The following CHURC1 variants were observed in gnomAD, a reference collection of about 807,000 sequenced individuals.
CHURC1 encodes churchill domain containing 1, also known as protein Churchill.
In CHURC1, 12 loss-of-function variants were observed where a neutral mutation model predicts 15.4. That is an observed-to-expected ratio of 0.78 (90% CI 0.50 to 1.27). CHURC1 has a LOEUF of 1.27. CHURC1 is among the 50% of genes most tolerant of loss of function. The pLI, the probability that CHURC1 is intolerant of heterozygous loss-of-function variation, is 0.00. For synonymous variants in CHURC1, 42 were observed against 47.5 expected, an observed-to-expected ratio of 0.88 and a Z score of 0.48; for missense variants, 132 against 137.8, an observed-to-expected ratio of 0.96 and a Z score of 0.21.
At chr14:64,921,582 A>G (rs1208642537) in intron 1 of CHURC1, among the ~76,000 whole-genome samples, 1 of 152,232 alleles carries the variant, frequency 6.6e-6, no homozygotes, top group East Asian at 1.9e-4. Flanking sequence ...ATTAGTCATC[A>G]AGGAAACAAA....
At chr14:64,923,711 A>AT (rs2139895578) in intron 1 of CHURC1, among the ~76,000 whole-genome samples, 1 of 146,202 alleles carries the variant, frequency 6.8e-6, no homozygotes, top group African/African-American at 2.5e-5. Context: ...CTAAATATCT[A>AT]TTTTCAGTTT....
At chr14:64,930,118 A>G (rs1884997313) in intron 3 of CHURC1, among the ~76,000 whole-genome samples, 1 of 140,566 alleles carries the variant, frequency 7.1e-6, no homozygotes, top group African/African-American at 2.6e-5. Flanking sequence ...CCCTCAGAAT[A>G]AAAAAAAAAA....
chr14:64,920,465 A>G (rs1365037856), intron 1 of CHURC1, among the ~76,000 whole-genome samples: 4 of 152,348 alleles, frequency 2.6e-5, no homozygotes, highest in Non-Finnish European at 5.9e-5. Context: ...TGCCTCATCT[A>G]ATAAAAGAAC....
chr14:64,914,456 C>T lies in CHURC1; in HGVS notation c.-40C>T, dbSNP rs376938628. On this transcript the variant is annotated 5_prime_UTR_variant, in exon 1 of 4. Coordinates refer to ENST00000549115, the MANE Select transcript of CHURC1 (RefSeq NM_001386928.1). Reference sequence around the variant, plus strand: ...TCAGTTCTCGCGAGGTTTCGTCTTCCCGGAAGCGTTGGAGGACATTCCCTG... The same window carrying T: ...TCAGTTCTCGCGAGGTTTCGTCTTCTCGGAAGCGTTGGAGGACATTCCCTG... 1.9e-6 allele frequency: 3 copies of T among 1,614,278 alleles called. No individual in the cohort carries two copies. The highest frequency in any genetic ancestry group is 1.3e-5 in the African/African-American group (1 of 75,082).
rs1885254945 is a variant in CHURC1, at chr14:64,934,888, T to C, written c.*2658T>C. ...TACAAAAATTTAAAACATAAGATCC[T>C]CTCTCTATATTTCATTATTGGTGAA... On this transcript the variant is annotated 3_prime_UTR_variant, in exon 4 of 4. Transcript: ENST00000549115. The C allele has an allele frequency of 1.0e-6, 1 of 984,092 alleles. No homozygotes were observed. Among genetic ancestry groups the C allele is most frequent in the Non-Finnish European group, 1.2e-6 (1 of 828,824 alleles). The allele number at this position is 984,092 out of a possible 1,614,324, so 61.0% of individuals were successfully genotyped here.
chr14:64,919,507 T>C (rs1884121667), intron 1 of CHURC1, among the ~76,000 whole-genome samples: 1 of 152,236 alleles, frequency 6.6e-6, no homozygotes, highest in South Asian at 2.1e-4. Flanking sequence ...AATGATACTC[T>C]GCATCTTAAA....
In CHURC1 at chr14:64,933,906, A is replaced by G; in HGVS notation, c.*1676A>G. On this transcript the variant is annotated 3_prime_UTR_variant, in exon 4 of 4. Coordinates refer to ENST00000549115, the MANE Select transcript of CHURC1 (RefSeq NM_001386928.1). ...AAGCACTTATTTAATCCTCATTAAC[A>G]AATTCATAAGGTAGGTGCTATTGAT... 5.1e-6 allele frequency: 5 copies of G among 984,892 alleles called. No homozygotes were observed. Among genetic ancestry groups the G allele is most frequent in the Non-Finnish European group, 6.0e-6 (5 of 829,414 alleles). The allele number at this position is 984,892 out of a possible 1,614,324, so 61.0% of individuals were successfully genotyped here. A position where few individuals can be genotyped will look rare whatever the true frequency, so the allele number is the denominator to read the frequency against.
chr14:64,929,769 A>T (rs2139914861), intron 3 of CHURC1, among the ~76,000 whole-genome samples: 1 of 152,346 alleles, frequency 6.6e-6, no homozygotes, highest in Admixed American at 6.5e-5. Flanking sequence ...TCTCTGAAAG[A>T]TAAGTATTCT....
At chr14:64,922,845 A>G (rs1259859430) in intron 1 of CHURC1, among the ~76,000 whole-genome samples, 1 of 152,076 alleles carries the variant, frequency 6.6e-6, no homozygotes. Flanking sequence ...GAAGGGAGAG[A>G]TTAATTCTGG....
In CHURC1 at chr14:64,933,821, A is replaced by T; in HGVS notation, c.*1591A>T. ...TACTAGGGAAAAGCTTTGTTGAATAACAGTAATGATGATAATATCTGAGCT... is the reference window on the plus strand; with the variant it reads ...TACTAGGGAAAAGCTTTGTTGAATATCAGTAATGATGATAATATCTGAGCT... On this transcript the variant is annotated 3_prime_UTR_variant, in exon 4 of 4. Coordinates refer to ENST00000549115, the MANE Select transcript of CHURC1 (RefSeq NM_001386928.1). The T allele has an allele frequency of 1.0e-6, 1 of 985,398 alleles. No homozygotes were observed. Among genetic ancestry groups the T allele is most frequent in the Non-Finnish European group, 1.2e-6 (1 of 829,894 alleles). 61.0% of individuals were successfully genotyped at this position (985,398 alleles called of 1,614,324 possible). A position where few individuals can be genotyped will look rare whatever the true frequency, so the allele number is the denominator to read the frequency against.
intron 2 of CHURC1, among the ~76,000 whole-genome samples, 177 bp from the exon 3 acceptor site, chr14:64,925,833 G>A (rs1000488309): frequency 1.3e-5 from 2 of 151,830 alleles, no homozygotes; most frequent in African/African-American, 4.8e-5. Context: ...ACGTTGTTAT[G>A]TGGCAGATTC....
intron 3 of CHURC1, among the ~76,000 whole-genome samples, chr14:64,929,956 C>T (rs1002312468): frequency 2.6e-5 from 4 of 151,056 alleles, no homozygotes; most frequent in Non-Finnish European, 5.9e-5. Flanking sequence ...CCCACACACA[C>T]ACCAAAATTG....
At chr14:64,920,193 AATT>A (rs1884176502) in intron 1 of CHURC1, among the ~76,000 whole-genome samples, 1 of 152,202 alleles carries the variant, frequency 6.6e-6, no homozygotes, top group Admixed American at 6.5e-5. Flanking sequence ...CTCTCATATT[AATT>A]ATTCTTACAG....
At chr14:64,924,233 C>A in intron 2 of CHURC1, 107 bp downstream of exon 2, 1 of 1,284,294 alleles carries the variant, frequency 7.8e-7, no homozygotes, top group African/African-American at 1.5e-5. Flanking sequence ...TTGTATTGCG[C>A]ACATAATTAC....
At chr14:64,923,162 G>A (rs1045465740) in intron 1 of CHURC1, among the ~76,000 whole-genome samples, 2 of 151,308 alleles carry the variant, frequency 1.3e-5, no homozygotes, top group East Asian at 1.9e-4. Context: ...GGTCGGGGAC[G>A]GTGGCTCACA....
chr14:64,923,789 T>C (rs1311296922), intron 1 of CHURC1, among the ~76,000 whole-genome samples: 5 of 141,982 alleles, frequency 3.5e-5, no homozygotes, highest in Non-Finnish European at 7.7e-5. Context: ...TTTAGTTGCT[T>C]TTTTTTTTTT....
chr14:64,931,912 T>C (rs1196652113), intron 3 of CHURC1, among the ~76,000 whole-genome samples: 1 of 152,244 alleles, frequency 6.6e-6, no homozygotes, highest in East Asian at 1.9e-4. Context: ...TTCTGAGAAA[T>C]AGCCATGTAT....
Position 64,935,086 on chromosome 14 carries a change from A to G in CHURC1, c.*2856A>G, listed in dbSNP as rs1245450606. 8.5e-6 allele frequency: 6 copies of G among 706,446 alleles called. No homozygotes were observed. The Admixed American group carries it at 2.5e-4, about 30-fold the overall frequency. 43.8% of individuals were successfully genotyped at this position (706,446 alleles called of 1,614,324 possible). On this transcript the variant is annotated 3_prime_UTR_variant, in exon 4 of 4. Coordinates refer to ENST00000549115, the MANE Select transcript of CHURC1 (RefSeq NM_001386928.1). Reference sequence around the variant, plus strand: ...ATTCTCAGTAAACTATCGCAAGGACAAAAAACCAAACACCACATGTTCTCA... The same window carrying G: ...ATTCTCAGTAAACTATCGCAAGGACGAAAAACCAAACACCACATGTTCTCA...
chr14:64,919,677 G>T (rs773470993), intron 1 of CHURC1, among the ~76,000 whole-genome samples: 2 of 152,164 alleles, frequency 1.3e-5, no homozygotes, highest in Non-Finnish European at 2.9e-5. Context: ...GAGGTCAGGA[G>T]TTTGAGACCA....
Sources: gnomAD v4.1 joint callset for allele counts (sites outside exome capture counted in the v4.1 genomes callset) on GRCh38, gnomAD v4.1.1 for gene constraint, MANE v1.5 for transcripts, NCBI Gene and HGNC (gene_info 2026-07-23, HGNC 2026-07-21) for gene names.